The following UGT2B7 variants were observed in gnomAD, a reference collection of about 807,000 sequenced individuals.
UGT2B7 encodes the protein UDP-glucuronosyltransferase 2B7.
In UGT2B7, 51 loss-of-function variants were observed where a neutral mutation model predicts 51.9. The ratio of observed to expected loss-of-function variants is 0.98; its 90% CI spans 0.78 to 1.24. The LOEUF (loss-of-function observed/expected upper bound fraction) is 1.24. Among genes scored for constraint, UGT2B7 ranks in the 50% most tolerant of loss-of-function variants. The pLI is 0.00. For synonymous variants in UGT2B7, 225 were observed against 211.6 expected, an observed-to-expected ratio of 1.06 and a Z score of -0.55; for missense variants, 727 against 628.4, an observed-to-expected ratio of 1.16 and a Z score of -1.68.
intron 2 of UGT2B7, among the ~76,000 whole-genome samples, chr4:69,099,080 A>G (rs539311333): frequency 3.1e-4 from 47 of 152,100 alleles, no homozygotes; most frequent in African/African-American, 1.0e-3. Context: ...ATTCTACTTC[A>G]AAAGATAGAA....
At chr4:69,056,544 C>A (rs1450221015) in intron 1 of UGT2B7, among the ~76,000 whole-genome samples, 2 of 152,178 alleles carry the variant, frequency 1.3e-5, no homozygotes, top group Non-Finnish European at 1.5e-5. Context: ...AAAACTGGCA[C>A]ATGTACCCAT....
intron 1 of UGT2B7, among the ~76,000 whole-genome samples, chr4:69,086,939 T>C (rs1191396078): frequency 1.3e-5 from 2 of 151,926 alleles, no homozygotes; most frequent in East Asian, 3.9e-4. Context: ...GTCTTTTACT[T>C]GGATCATTCA....
rs142582692 is a variant in UGT2B7 at position 69,058,530 on chromosome 4, G to C, written c.-159+6928G>C. ...TCCTGCAAAGTTTAAGGGAAGGCGGGAGAAAGGCAATCAATATAGGGAAAA... is the reference window on the plus strand; with the variant it reads ...TCCTGCAAAGTTTAAGGGAAGGCGGCAGAAAGGCAATCAATATAGGGAAAA... On this transcript the variant is annotated intron_variant, in intron 1 of 5. Transcript: ENST00000502942. Among the ~76,000 whole-genome samples the C allele has an allele frequency of 1.6e-4, 25 of 152,312 alleles. No homozygotes were observed. The East Asian group carries it at 4.4e-3, about 27-fold the overall frequency.
At chr4:69,102,705 C>T in intron 2 of UGT2B7, 102 bp from the exon 3 acceptor site, 1 of 1,519,244 alleles carries the variant, frequency 6.6e-7, no homozygotes, top group Non-Finnish European at 8.8e-7. Context: ...AATAATTCCT[C>T]AAAATACTGG....
chr4:69,070,238 T>C (rs1258928341), intron 1 of UGT2B7, among the ~76,000 whole-genome samples: 7 of 147,644 alleles, frequency 4.7e-5, no homozygotes, highest in Non-Finnish European at 4.5e-5. Context: ...TTATATAATA[T>C]ATCATAAATT....
At chr4:69,071,159 T>C (rs1340983375) in intron 1 of UGT2B7, among the ~76,000 whole-genome samples, 1 of 152,120 alleles carries the variant, frequency 6.6e-6, no homozygotes, top group East Asian at 1.9e-4. Context: ...ATTATAGATA[T>C]GGTCCAGCAA....
intron 3 of UGT2B7, 78 bp downstream of exon 3, chr4:69,103,016 C>A: frequency 1.3e-6 from 2 of 1,551,610 alleles, no homozygotes; most frequent in Non-Finnish European, 1.7e-6. Context: ...ATTATAGAAA[C>A]TTCTGATAAA....
chr4:69,079,138 G>A lies in UGT2B7; in HGVS notation c.-158-10334G>A, dbSNP rs371898553. ...CACTTGGCTGTAAGCTCTAGCAAGC[G>A]TTGCCCATCTGGCTAACAGCAGCAG... On this transcript the variant is annotated intron_variant, in intron 1 of 5. Coordinates refer to the UGT2B7 transcript ENST00000502942. Among the ~76,000 whole-genome samples the A allele has an allele frequency of 1.1e-3, 174 of 152,242 alleles. 3 individuals are homozygous for A. In the South Asian group the frequency reaches 0.032, roughly 28 times the overall value.
chr4:69,099,257 C>CAAAAAAAA (rs58121670), intron 2 of UGT2B7, among the ~76,000 whole-genome samples: 1 of 105,750 alleles, frequency 9.5e-6, no homozygotes, highest in Non-Finnish European at 2.1e-5. Context: ...GAGAGACAGA[C>CAAAAAAAA]AAAAAAAAAA....
At chr4:69,090,697 G>A (rs921951621) in intron 2 of UGT2B7, among the ~76,000 whole-genome samples, 1 of 152,032 alleles carries the variant, frequency 6.6e-6, no homozygotes, top group African/African-American at 2.4e-5. Context: ...AGATTTTGGC[G>A]GGGACACAGA....
chr4:69,110,178 A>G (rs1479387623), intron 5 of UGT2B7, among the ~76,000 whole-genome samples: 2 of 152,080 alleles, frequency 1.3e-5, no homozygotes, highest in Admixed American at 6.6e-5. Context: ...TATATGTATC[A>G]TATATATCAA....
At chr4:69,064,142 CAAAATT>C (rs1718437553) in intron 1 of UGT2B7, among the ~76,000 whole-genome samples, 1 of 145,320 alleles carries the variant, frequency 6.9e-6, no homozygotes, top group Non-Finnish European at 1.5e-5. Flanking sequence ...GAAAGAAAAA[CAAAATT>C]AAAAAGAGAA....
intron 1 of UGT2B7, among the ~76,000 whole-genome samples, chr4:69,072,789 C>T (rs1718628070): frequency 6.6e-6 from 1 of 152,052 alleles, no homozygotes; most frequent in African/African-American, 2.4e-5. Flanking sequence ...TTACAGGATC[C>T]TGATTCAGTA....
rs1199463842 is a variant in UGT2B7, at chr4:69,112,872, T to G, written c.*136T>G. On this transcript the variant is annotated 3_prime_UTR_variant, in exon 6 of 6. Transcript: ENST00000305231. Reference sequence around the variant, plus strand: ...AAAGAAAAAAAAATCTTTTCAAAATTTACTTTGTCAAATAAAAATTTGTTT... The same window carrying G: ...AAAGAAAAAAAAATCTTTTCAAAATGTACTTTGTCAAATAAAAATTTGTTT... 4.5e-6 allele frequency: 6 copies of G among 1,325,122 alleles called. No homozygotes were observed. The African/African-American group carries it at 4.5e-5, about 10-fold the overall frequency. The allele number at this position is 1,325,122 out of a possible 1,614,324, so 82.1% of individuals were successfully genotyped here. A position where few individuals can be genotyped will look rare whatever the true frequency, so the allele number is the denominator to read the frequency against.
At chr4:69,086,080 AC>A (rs1396269518) in intron 1 of UGT2B7, among the ~76,000 whole-genome samples, 3 of 151,568 alleles carry the variant, frequency 2.0e-5, no homozygotes, top group Non-Finnish European at 1.5e-5. Flanking sequence ...TTCTTGAGGT[AC>A]TATAGGTTGT....
intron 1 of UGT2B7, among the ~76,000 whole-genome samples, chr4:69,083,693 G>A (rs1289129426): frequency 6.6e-6 from 1 of 151,916 alleles, no homozygotes; most frequent in Non-Finnish European, 1.5e-5. Context: ...TTTAGATATT[G>A]GAATACGGAA....
At chr4:69,052,352 A>G (rs1039627395) in intron 1 of UGT2B7, among the ~76,000 whole-genome samples, 2 of 152,116 alleles carry the variant, frequency 1.3e-5, no homozygotes, top group African/African-American at 2.4e-5. Context: ...AAAAAAGGCC[A>G]TCTATACCAA....
At chr4:69,106,226 A>G (rs1310880151) in intron 3 of UGT2B7, among the ~76,000 whole-genome samples, 2 of 152,154 alleles carry the variant, frequency 1.3e-5, no homozygotes, top group Middle Eastern at 3.4e-3. Context: ...GGCTAAAATC[A>G]GTTAATTATT....
chr4:69,083,275 G>A (rs981261646), intron 1 of UGT2B7, among the ~76,000 whole-genome samples: 1 of 151,968 alleles, frequency 6.6e-6, no homozygotes, highest in Non-Finnish European at 1.5e-5. Context: ...CACTAATAAA[G>A]GTGTAAATTT....
Sources: allele counts gnomAD v4.1 joint callset (sites outside exome capture counted in the v4.1 genomes callset), GRCh38; gene constraint gnomAD v4.1.1; transcripts MANE v1.5; gene names NCBI Gene and HGNC (gene_info 2026-07-23, HGNC 2026-07-21).